Variants in NR4A2 observed in about 807,000 individuals in gnomAD.
The protein encoded by NR4A2 is nuclear receptor subfamily 4 group A member 2.
NR4A2 carries 1 observed loss-of-function variant against 50.5 expected under a neutral mutation model. That is an observed-to-expected ratio of 0.02 (90% confidence interval 0.01 to 0.09). The LOEUF (loss-of-function observed/expected upper bound fraction) is 0.09. Ranked by LOEUF, NR4A2 falls within the 10% of genes least tolerant of loss-of-function variation. The pLI, the probability that NR4A2 is intolerant of heterozygous loss-of-function variation, is 1.00. For missense variants in NR4A2, 613 were observed against 777.3 expected (o/e 0.79, Z 2.51); for synonymous variants, 328 against 309.4 (o/e 1.06, Z -0.63).
chr2:156,325,301 G>A lies in NR4A2; in HGVS notation c.*443C>T, dbSNP rs1489479833. The A allele has an allele frequency of 5.2e-6, 1 of 193,258 alleles. No homozygotes were observed. The highest frequency in any genetic ancestry group is 2.4e-5 in the African/African-American group (1 of 42,284). The allele number at this position is 193,258 out of a possible 1,614,324, so 12.0% of individuals were successfully genotyped here. A position where few individuals can be genotyped will look rare whatever the true frequency, so the allele number is the denominator to read the frequency against. On this transcript the variant is annotated 3_prime_UTR_variant, in exon 8 of 8. Coordinates refer to ENST00000339562, the MANE Select transcript of NR4A2 (RefSeq NM_006186.4). ...GAAGTCTTGTTAAAGGGCAATACTT[G>A]TGGGTCCCCTTAAGATGTGTCTCTG...
Position 156,324,920 on chromosome 2 carries a change from A to G in NR4A2, c.*824T>C, listed in dbSNP as rs1366530079. ...TAATACTTGTGCCCACCTATTTTAC[A>G]ATTGAGAAAATGTTTAAGCTCAGAT... is the stretch of plus-strand genomic sequence containing the variant. On this transcript the variant is annotated 3_prime_UTR_variant, in exon 8 of 8. Coordinates refer to ENST00000339562, the MANE Select transcript of NR4A2 (RefSeq NM_006186.4). 1.3e-5 allele frequency: 2 copies of G among 152,632 alleles called. No individual in the cohort carries two copies. The highest frequency in any genetic ancestry group is 2.1e-4 in the South Asian group (1 of 4,828). The allele number at this position is 152,632 out of a possible 1,614,324, so 9.5% of individuals were successfully genotyped here.
In NR4A2 at chr2:156,328,389, C is replaced by T; in HGVS notation, c.994+15G>A. On this transcript the variant is annotated intron_variant, in intron 4 of 7. Coordinates refer to ENST00000339562, the MANE Select transcript of NR4A2 (RefSeq NM_006186.4). This position sits in a 1 kb window ranked among gnomAD's most constrained non-coding sequence, Gnocchi z 4.9. Reference sequence around the variant, plus strand: ...AAGGCGCAAACTGGAGGGTCGGCAGCTCCCCTCAGCCTACCTTCTTTGACC... The same window carrying T: ...AAGGCGCAAACTGGAGGGTCGGCAGTTCCCCTCAGCCTACCTTCTTTGACC... The T allele has an allele frequency of 1.2e-6, 2 of 1,614,156 alleles. No individual in the cohort carries two copies. The highest frequency in any genetic ancestry group is 1.7e-6 in the Non-Finnish European group (2 of 1,179,998).
intron 1 of NR4A2, among the ~76,000 whole-genome samples, chr2:156,331,008 C>T (rs1686897095): frequency 6.6e-6 from 1 of 152,182 alleles, no homozygotes; most frequent in African/African-American, 2.4e-5. Context: ...TAAATCCTTG[C>T]AGAGAGAAGA....
chr2:156,329,684 G>T lies in NR4A2; in HGVS notation c.503C>A (p.Thr168Lys). 6.2e-7 allele frequency: 1 copy of T among 1,613,980 alleles called. No homozygotes were observed. The highest frequency in any genetic ancestry group is 8.5e-7 in the Non-Finnish European group (1 of 1,179,924). ...ATTHMIEQRKTPVSRLSLFSF... is the reference protein window; with the variant it reads ...ATTHMIEQRKKPVSRLSLFSF... ...GAAGAGGGAGAGGCGGGAGACTGGC[G>T]TTTTCCTCTGCTCGATCATGTGCGT... Residue 168 changes from threonine (T) to lysine (K), a missense_variant, in exon 3 of 8, where the codon ACG (threonine) becomes AAG (lysine). Around this residue, in one of 4 missense-constraint regions of NR4A2, gnomAD observed 275 missense variants for 248.9 expected, o/e 1.10. Coordinates refer to ENST00000339562, the MANE Select transcript of NR4A2 (RefSeq NM_006186.4). This position sits in a 1 kb window ranked among gnomAD's most constrained non-coding sequence, Gnocchi z 7.5.
chr2:156,329,160 G>A lies in NR4A2; in HGVS notation c.864+163C>T, dbSNP rs1232022477. Reference sequence around the variant, plus strand: ...TCTCAGACACCCGGAAGTCCCCGCCGCAGCCCATGGTCTCCTGCAGGGCAG... The same window carrying A: ...TCTCAGACACCCGGAAGTCCCCGCCACAGCCCATGGTCTCCTGCAGGGCAG... On this transcript the variant is annotated intron_variant, in intron 3 of 7. Coordinates refer to ENST00000339562, the MANE Select transcript of NR4A2 (RefSeq NM_006186.4). This position sits in a 1 kb window ranked among gnomAD's most constrained non-coding sequence, Gnocchi z 7.5. Among the ~76,000 whole-genome samples, 1 of 152,312 alleles carries A rather than the reference G, an allele frequency of 6.6e-6. No individual in the cohort carries two copies. Among genetic ancestry groups the A allele is most frequent in the South Asian group, 2.1e-4 (1 of 4,824 alleles).
Position 156,326,603 on chromosome 2 carries a change from T to C in NR4A2, c.1361+115A>G. The C allele has an allele frequency of 1.7e-6, 2 of 1,199,500 alleles. No individual in the cohort carries two copies. Among genetic ancestry groups the C allele is most frequent in the Non-Finnish European group, 2.4e-6 (2 of 825,948 alleles). The allele number at this position is 1,199,500 out of a possible 1,614,324, so 74.3% of individuals were successfully genotyped here. A position where few individuals can be genotyped will look rare whatever the true frequency, so the allele number is the denominator to read the frequency against. On this transcript the variant is annotated intron_variant, in intron 6 of 7. Transcript: ENST00000339562. The surrounding 1 kb of genome is among the most constrained non-coding windows in gnomAD (Gnocchi z 4.2). ...TTTTTCTTCCTTTCTCCGACTTCCA[T>C]TTCCTATTCTGTCTTTTTCTCTACC...
At chr2:156,331,145 G>C (rs1257044944) in intron 1 of NR4A2, among the ~76,000 whole-genome samples, 1 of 152,170 alleles carries the variant, frequency 6.6e-6, no homozygotes, top group Non-Finnish European at 1.5e-5. Context: ...TGAGTATGAA[G>C]ACTAGAGTAT....
At position 156,326,428 on chromosome 2, in the gene NR4A2, C is replaced by A. The variant is rs1249950656; in HGVS notation, c.1362-100G>T. 15 of 1,127,916 alleles carry A rather than the reference C, an allele frequency of 1.3e-5. No individual in the cohort carries two copies. The Middle Eastern group carries it at 5.8e-4, about 44-fold the overall frequency. 69.9% of individuals were successfully genotyped at this position (1,127,916 alleles called of 1,614,324 possible). A position where few individuals can be genotyped will look rare whatever the true frequency, so the allele number is the denominator to read the frequency against. ...CAATAAATGAGGGATTTAAGAGTCA[C>A]CTAATTACTGAAGAGTTAATAAAAT... On this transcript the variant is annotated intron_variant, in intron 6 of 7. Coordinates refer to ENST00000339562, the MANE Select transcript of NR4A2 (RefSeq NM_006186.4). The surrounding 1 kb of genome is among the most constrained non-coding windows in gnomAD (Gnocchi z 4.2).
chr2:156,330,340 A>C (rs1375555174), intron 2 of NR4A2, among the ~76,000 whole-genome samples, 152 bp from the exon 3 acceptor site: 3 of 152,172 alleles, frequency 2.0e-5, no homozygotes, highest in African/African-American at 7.2e-5. Context: ...AGAATGCTGC[A>C]GAACAACAGT....
chr2:156,328,297 G>T lies in NR4A2; in HGVS notation c.994+107C>A. 1.9e-6 allele frequency: 3 copies of T among 1,565,370 alleles called. No homozygotes were observed. Among genetic ancestry groups the T allele is most frequent in the Non-Finnish European group, 2.6e-6 (3 of 1,138,086 alleles). The stretch of plus-strand genomic sequence containing the variant: ...GCAGGGTCCTGGAGGCCATACTGAG[G>T]GGGAGTCGGAGATCCCCAGCACCGG... On this transcript the variant is annotated intron_variant, in intron 4 of 7. Coordinates refer to ENST00000339562, the MANE Select transcript of NR4A2 (RefSeq NM_006186.4). This position sits in a 1 kb window ranked among gnomAD's most constrained non-coding sequence, Gnocchi z 4.9.
At chr2:156,327,054 A>T (rs1686682116) in intron 5 of NR4A2, 134 bp from the exon 6 acceptor site, 2 of 822,200 alleles carry the variant, frequency 2.4e-6, no homozygotes, top group Admixed American at 2.0e-5. Context: ...TAAGGAAATT[A>T]GATGTTCCGG....
rs1298115048 is a variant in NR4A2 at position 156,329,359 on chromosome 2, G to A, written c.828C>T (p.Gly276=). ...CTTTGCAGCCCTCACAGGTGCGCAC[G>A]CCGTAGTGTTGGCAGGCCGCGTTGT... The part of the protein sequence containing the change: ...CGDNAACQHY[G]VRTCEGCKGF... The change falls in exon 3 of 8, where the codon GGC becomes GGT. Residue 276 remains glycine (G), a synonymous_variant. Coordinates refer to ENST00000339562, the MANE Select transcript of NR4A2 (RefSeq NM_006186.4). This position sits in a 1 kb window ranked among gnomAD's most constrained non-coding sequence, Gnocchi z 7.5. 2 of 1,612,588 alleles carry A rather than the reference G, an allele frequency of 1.2e-6. No individual in the cohort carries two copies. Among genetic ancestry groups the A allele is most frequent in the Non-Finnish European group, 8.5e-7 (1 of 1,179,544 alleles).
rs1343095735 is a variant in NR4A2, at chr2:156,325,993, G to C, written c.1548C>G (p.His516Gln). ...CCACTCTCTTGGGTTCCTTGAGCCC[G>C]TGTCTCTCTGCAGAAAACATAATCA... The part of the protein sequence containing the change: ...IAALAMVTER[H>Q]GLKEPKRVEE... The change falls in exon 8 of 8, where the codon CAC (histidine) becomes CAG (glutamine). Residue 516 changes from histidine to glutamine, a missense_variant. Physicochemically the swap from His to Gln is conservative, Grantham distance 24 (BLOSUM62 0). Around this residue, in one of 4 missense-constraint regions of NR4A2, gnomAD observed 250 missense variants for 311.3 expected, o/e 0.80. Coordinates refer to ENST00000339562, the MANE Select transcript of NR4A2 (RefSeq NM_006186.4). 1.2e-6 allele frequency: 2 copies of C among 1,614,126 alleles called. No individual in the cohort carries two copies. The highest frequency in any genetic ancestry group is 2.2e-5 in the East Asian group (1 of 44,890).
Position 156,328,585 on chromosome 2 carries a change from A to T in NR4A2, c.865-52T>A. 1 of 1,613,032 alleles carries T rather than the reference A, an allele frequency of 6.2e-7. No individual in the cohort carries two copies. The highest frequency in any genetic ancestry group is 8.5e-7 in the Non-Finnish European group (1 of 1,179,620). ...CATTTTTTTTCTTCTTTTGAAAATC[A>T]GGCAACTCGGAGAAAATTTCTGTTA... On this transcript the variant is annotated intron_variant, in intron 3 of 7. Transcript: ENST00000339562. This position sits in a 1 kb window ranked among gnomAD's most constrained non-coding sequence, Gnocchi z 4.9.
At chr2:156,331,174 C>G (rs1024211126) in intron 1 of NR4A2, among the ~76,000 whole-genome samples, 1 of 152,084 alleles carries the variant, frequency 6.6e-6, no homozygotes, top group African/African-American at 2.4e-5. Context: ...AGCATTGGAA[C>G]CTTCTCTTGC....
chr2:156,328,448 T>C lies in NR4A2; in HGVS notation c.950A>G (p.Tyr317Cys). 1 of 1,614,244 alleles carries C rather than the reference T, an allele frequency of 6.2e-7. No individual in the cohort carries two copies. The highest frequency in any genetic ancestry group is 8.5e-7 in the Non-Finnish European group (1 of 1,180,040). The stretch of plus-strand genomic sequence containing the variant: ...AGCCAGGCACTTCTGAAATCGGCAG[T>C]ACTGACAGCGATTCCGGCGACGCTT... ...VDKRRRNRCQ[Y>C]CRFQKCLAVG... The change falls in exon 4 of 8, where the codon TAC (tyrosine) becomes TGC (cysteine). Residue 317 changes from tyrosine (Y) to cysteine (C), a missense_variant. By Grantham distance (194) the Tyr-to-Cys change is radical (BLOSUM62 -2). This residue lies in a region of NR4A2 where 27 missense variants were observed against 120.7 expected (regional missense o/e 0.22). Coordinates refer to ENST00000339562, the MANE Select transcript of NR4A2 (RefSeq NM_006186.4). This position sits in a 1 kb window ranked among gnomAD's most constrained non-coding sequence, Gnocchi z 4.9.
Position 156,326,463 on chromosome 2 carries a change from T to G in NR4A2, c.1362-135A>C. 1 of 940,102 alleles carries G rather than the reference T, an allele frequency of 1.1e-6. No individual in the cohort carries two copies. The highest frequency in any genetic ancestry group is 1.4e-5 in the South Asian group (1 of 70,470). 58.2% of individuals were successfully genotyped at this position (940,102 alleles called of 1,614,324 possible). On this transcript the variant is annotated intron_variant, in intron 6 of 7. Coordinates refer to ENST00000339562, the MANE Select transcript of NR4A2 (RefSeq NM_006186.4). The surrounding 1 kb of genome is among the most constrained non-coding windows in gnomAD (Gnocchi z 4.2). ...GAAGAGTTAATAAAATGTAGACCAG[T>G]GGACCTTGAAAGGGTTTAATTTCAT...
rs781123697 is a variant in NR4A2, at chr2:156,329,693, T to G, written c.494A>C (p.Gln165Pro). 1 of 1,614,048 alleles carries G rather than the reference T, an allele frequency of 6.2e-7. No individual in the cohort carries two copies. Among genetic ancestry groups the G allele is most frequent in the South Asian group, 1.1e-5 (1 of 91,082 alleles). The change falls in exon 3 of 8, where the codon CAG becomes CCG. Residue 165 changes from glutamine (Q) to proline (P), a missense_variant. By Grantham distance (76) the Gln-to-Pro change is moderately conservative. Transcript: ENST00000339562. This position sits in a 1 kb window ranked among gnomAD's most constrained non-coding sequence, Gnocchi z 7.5. Reference protein sequence around the residue: ...NYVATTHMIEQRKTPVSRLSL... With the variant: ...NYVATTHMIEPRKTPVSRLSL... ...GAGGCGGGAGACTGGCGTTTTCCTC[T>G]GCTCGATCATGTGCGTAGTGGCCAC...
Position 156,328,075 on chromosome 2 carries a change from G to A in NR4A2, c.995-61C>T. On this transcript the variant is annotated intron_variant, in intron 4 of 7. Coordinates refer to ENST00000339562, the MANE Select transcript of NR4A2 (RefSeq NM_006186.4). The surrounding 1 kb of genome is among the most constrained non-coding windows in gnomAD (Gnocchi z 4.9). ...GAGCCCAGGCCCAGCTGCTGCCTCGGTCCCTCCCCGGGGAAGGCCGCAGCC... is the reference window on the plus strand; with the variant it reads ...GAGCCCAGGCCCAGCTGCTGCCTCGATCCCTCCCCGGGGAAGGCCGCAGCC... 1 of 1,562,494 alleles carries A rather than the reference G, an allele frequency of 6.4e-7. No homozygotes were observed. Among genetic ancestry groups the A allele is most frequent in the South Asian group, 1.2e-5 (1 of 85,636 alleles).
Sources: allele counts gnomAD v4.1 joint callset (sites outside exome capture counted in the v4.1 genomes callset), GRCh38; gene constraint gnomAD v4.1.1; regional missense constraint gnomAD v4.1.1; non-coding constraint Gnocchi (gnomAD v3.1); transcripts MANE v1.5; gene names NCBI Gene and HGNC (gene_info 2026-07-23, HGNC 2026-07-21).